The following DDX50 variants were observed in gnomAD, a reference collection of about 807,000 sequenced individuals.
DDX50 encodes the protein DExD-box helicase 50.
Under a neutral mutation model 94.8 loss-of-function variants are expected in DDX50, and 56 were observed. The ratio of observed to expected loss-of-function variants is 0.59; its 90% CI spans 0.48 to 0.74. DDX50 has a LOEUF of 0.74. DDX50 is among the 30% of genes least tolerant of loss of function. DDX50 has a pLI of 0.00. For synonymous variants in DDX50, 264 were observed against 295.4 expected, an observed-to-expected ratio of 0.89 and a Z score of 1.09; for missense variants, 713 against 881.2, an observed-to-expected ratio of 0.81 and a Z score of 2.42.
intron 8 of DDX50, among the ~76,000 whole-genome samples, chr10:68,922,794 CTCT>C (rs1197155684): frequency 3.0e-5 from 4 of 132,916 alleles, no homozygotes; most frequent in Non-Finnish European, 6.9e-5. Flanking sequence ...CCCTTTCTCT[CTCT>C]TTTTTTTTTT....
chr10:68,943,269 A>T lies in DDX50; in HGVS notation c.1935+12A>T. 3 of 1,600,610 alleles carry T rather than the reference A, an allele frequency of 1.9e-6. No homozygotes were observed. The highest frequency in any genetic ancestry group is 2.2e-5 in the East Asian group (1 of 44,676). On this transcript the variant is annotated intron_variant, in intron 14 of 14. Transcript: ENST00000373585. Reference sequence around the variant, plus strand: ...CAGAAAGGTTACAGGTATTTTTAAAATTTTATCTTTTAAATGGTTGAGTAC... The same window carrying T: ...CAGAAAGGTTACAGGTATTTTTAAATTTTTATCTTTTAAATGGTTGAGTAC...
intron 3 of DDX50, 139 bp downstream of exon 3, chr10:68,910,521 G>T: frequency 1.7e-6 from 1 of 604,700 alleles, no homozygotes. Flanking sequence ...TCCTACCTCA[G>T]CCTGCTGAGT....
intron 12 of DDX50, among the ~76,000 whole-genome samples, chr10:68,937,932 TATC>T (rs1355407461): frequency 4.6e-5 from 7 of 152,328 alleles, no homozygotes; most frequent in African/African-American, 1.4e-4. Context: ...AACACCGTGA[TATC>T]ATCCCTAAAT....
intron 1 of DDX50, among the ~76,000 whole-genome samples, chr10:68,904,543 AT>A (rs1210122764): frequency 3.3e-5 from 5 of 152,204 alleles, no homozygotes; most frequent in African/African-American, 1.2e-4. Flanking sequence ...TGAAGAAGAT[AT>A]GTGGTAGAGG....
intron 7 of DDX50, among the ~76,000 whole-genome samples, chr10:68,915,731 A>G (rs554683663): frequency 6.6e-6 from 1 of 152,060 alleles, no homozygotes; most frequent in East Asian, 1.9e-4. Context: ...AAAAAAAAGA[A>G]AAAAGAACTA....
In DDX50 at chr10:68,924,160, TG is replaced by T. The variant is rs1842015905; in HGVS notation, c.1239+4183del. ...CTAATTTTTGTATTTTTTGTAGAGA[TG>T]GGGTTTCACCATGTTGGGCAGGCTG... On this transcript the variant is annotated intron_variant, in intron 8 of 14. Transcript: ENST00000373585. Among the ~76,000 whole-genome samples the T allele has an allele frequency of 2.6e-5, 4 of 151,878 alleles. 1 individual carries two copies. The highest frequency in any genetic ancestry group is 2.0e-4 in the Admixed American group (3 of 15,224).
intron 8 of DDX50, among the ~76,000 whole-genome samples, chr10:68,931,923 C>A (rs377741238): frequency 6.6e-5 from 10 of 152,190 alleles, no homozygotes; most frequent in African/African-American, 2.4e-4. Context: ...TATGATATTT[C>A]TTCTACCAGG....
chr10:68,945,008 A>T (rs1460698352), intron 14 of DDX50, among the ~76,000 whole-genome samples: 1 of 152,122 alleles, frequency 6.6e-6, no homozygotes, highest in African/African-American at 2.4e-5. Context: ...GCATTTGGCC[A>T]TTTGGGTGGC....
In DDX50 at chr10:68,907,017, CT is replaced by C. The variant is rs759545934; in HGVS notation, c.384+15del. 6.4e-7 allele frequency: 1 copy of C among 1,568,046 alleles called. No individual in the cohort carries two copies. The highest frequency in any genetic ancestry group is 2.2e-5 in the Admixed American group (1 of 44,824). On this transcript the variant is annotated intron_variant, in intron 2 of 14. Transcript: ENST00000373585. ...TAATAAACTAGAGGAGGTATGGAAG[CT>C]TTTTATTTTGCATTTGACATTGTTG... is the stretch of plus-strand genomic sequence containing the variant.
intron 13 of DDX50, among the ~76,000 whole-genome samples, chr10:68,941,989 T>C (rs1006151835): frequency 2.0e-5 from 3 of 150,524 alleles, no homozygotes; most frequent in Non-Finnish European, 3.0e-5. Context: ...GATTTTGCCA[T>C]GTTGCCCAGG....
At chr10:68,907,504 C>T (rs1187591026) in intron 2 of DDX50, among the ~76,000 whole-genome samples, 5 of 151,550 alleles carry the variant, frequency 3.3e-5, no homozygotes, top group Admixed American at 2.0e-4. Context: ...TTAGTAGAGA[C>T]GGTGTTTCTC....
chr10:68,943,154 C>A, intron 13 of DDX50, 59 bp from the exon 14 acceptor site: 3 of 1,533,270 alleles, frequency 2.0e-6, no homozygotes, highest in South Asian at 2.4e-5. Flanking sequence ...ATTAGTAAAA[C>A]AAAAAAAATC....
intron 1 of DDX50, 51 bp downstream of exon 1, chr10:68,901,522 G>T: frequency 6.5e-7 from 1 of 1,532,834 alleles, no homozygotes; most frequent in Non-Finnish European, 8.8e-7. Flanking sequence ...GGCTTGGGCG[G>T]GGAGGGGAAC....
In DDX50 at chr10:68,901,333, C is replaced by T. The variant is rs887550028; in HGVS notation, c.-52C>T. 8.1e-6 allele frequency: 12 copies of T among 1,476,776 alleles called. No individual in the cohort carries two copies. The Admixed American group carries it at 2.6e-4, about 31-fold the overall frequency. 91.5% of individuals were successfully genotyped at this position (1,476,776 alleles called of 1,614,324 possible). ...CCCGCTTCCTTTCACGCTGTCGCTG[C>T]CCGTAGGTGGTTGTGGCCACTGTGC... On this transcript the variant is annotated 5_prime_UTR_variant, in exon 1 of 15. Transcript: ENST00000373585.
At chr10:68,920,185 AGGGT>A (rs1303074561) in intron 8 of DDX50, among the ~76,000 whole-genome samples, 2 of 152,212 alleles carry the variant, frequency 1.3e-5, no homozygotes, top group Non-Finnish European at 2.9e-5. Flanking sequence ...GTCTTGAGAC[AGGGT>A]CTCCCTCTTA....
rs189347211 is a variant in DDX50, at chr10:68,944,647, A to G, written c.1935+1390A>G. Among the ~76,000 whole-genome samples the G allele has an allele frequency of 5.2e-3, 791 of 152,210 alleles. 6 individuals carry two copies. Among genetic ancestry groups the G allele is most frequent in the Non-Finnish European group, 8.4e-3 (571 of 68,016 alleles). On this transcript the variant is annotated intron_variant, in intron 14 of 14. Coordinates refer to ENST00000373585, the MANE Select transcript of DDX50 (RefSeq NM_024045.2). ...CTGCAACCTCCGCCTCCCGGGTTCA[A>G]GCGATTCTCCTCCCTCAGCCTCCCG...
intron 8 of DDX50, among the ~76,000 whole-genome samples, chr10:68,932,754 A>C (rs1842305171): frequency 6.6e-6 from 1 of 152,232 alleles, no homozygotes; most frequent in African/African-American, 2.4e-5. Flanking sequence ...CAGACATGTA[A>C]ATTAAAACAA....
At chr10:68,907,772 ATG>A in intron 2 of DDX50, among the ~76,000 whole-genome samples, 1 of 151,688 alleles carries the variant, frequency 6.6e-6, no homozygotes, top group East Asian at 1.9e-4. Context: ...CAGGAAGCAC[ATG>A]TGTTTGTTGA....
In DDX50 at chr10:68,943,269, AT is replaced by A; in HGVS notation, c.1935+16del. ...CAGAAAGGTTACAGGTATTTTTAAAATTTTATCTTTTAAATGGTTGAGTACA... is the reference window on the plus strand; with the variant it reads ...CAGAAAGGTTACAGGTATTTTTAAAATTTATCTTTTAAATGGTTGAGTACA... On this transcript the variant is annotated intron_variant, in intron 14 of 14. Coordinates refer to ENST00000373585, the MANE Select transcript of DDX50 (RefSeq NM_024045.2). 6.2e-7 allele frequency: 1 copy of A among 1,600,608 alleles called. No homozygotes were observed.
Sources: gnomAD v4.1 joint callset for allele counts (sites outside exome capture counted in the v4.1 genomes callset) on GRCh38, gnomAD v4.1.1 for gene constraint, MANE v1.5 for transcripts, NCBI Gene and HGNC (gene_info 2026-07-23, HGNC 2026-07-21) for gene names.